The following OR3A2 variants were observed in gnomAD, a reference collection of about 807,000 sequenced individuals.
The protein encoded by OR3A2 is olfactory receptor 3A2.
For synonymous variants in OR3A2, 126 were observed against 159.3 expected, an observed-to-expected ratio of 0.79 and a Z score of 1.57; for missense variants, 318 against 392.8, an observed-to-expected ratio of 0.81 and a Z score of 1.61.
At chr17:3,342,312 G>A (rs1333178532) in intron 2 of OR3A2, among the ~76,000 whole-genome samples, 1 of 152,146 alleles carries the variant, frequency 6.6e-6, no homozygotes, top group East Asian at 1.9e-4. Flanking sequence ...TCTGTTGCTG[G>A]CGAGGAGCTG....
At chr17:3,308,291 G>T (rs1597330766) in intron 3 of OR3A2, among the ~76,000 whole-genome samples, 1 of 152,168 alleles carries the variant, frequency 6.6e-6, no homozygotes, top group South Asian at 2.1e-4. Flanking sequence ...GGAGTTGCTT[G>T]TCCCTTTGTC....
intron 2 of OR3A2, among the ~76,000 whole-genome samples, chr17:3,371,464 C>CG (rs1362922147): frequency 3.2e-4 from 45 of 142,814 alleles, no homozygotes; most frequent in Middle Eastern, 4.1e-3. Flanking sequence ...GCTGGCTGGG[C>CG]GGGGGGCTGA....
rs1188815133 is a variant in OR3A2, at chr17:3,311,800, G to A, written c.-85+24233C>T. On this transcript the variant is annotated intron_variant, in intron 3 of 4. Transcript: ENST00000573491. The surrounding 1 kb of genome is among the most constrained non-coding windows in gnomAD (Gnocchi z 4.6). ...GTGTCTGGGCTCAGTCTCAGCCTCAGACAAAGATAAGGGGATTGGGATCCT... is the reference window on the plus strand; with the variant it reads ...GTGTCTGGGCTCAGTCTCAGCCTCAAACAAAGATAAGGGGATTGGGATCCT... 2 of 201,672 alleles carry A rather than the reference G, an allele frequency of 9.9e-6. No homozygotes were observed. The highest frequency in any genetic ancestry group is 4.6e-5 in the African/African-American group (2 of 43,564). 12.5% of individuals were successfully genotyped at this position (201,672 alleles called of 1,614,324 possible). A position where few individuals can be genotyped will look rare whatever the true frequency, so the allele number is the denominator to read the frequency against.
At position 3,346,663 on chromosome 17, in the gene OR3A2, C is replaced by A. The variant is rs560490894; in HGVS notation, c.-178-10537G>T. Among the ~76,000 whole-genome samples, 118 of 151,736 alleles carry A rather than the reference C, an allele frequency of 7.8e-4. 1 individual carries two copies. The highest frequency in any genetic ancestry group is 1.5e-3 in the Non-Finnish European group (100 of 67,874). Reference sequence around the variant, plus strand: ...TTTCCATGGTTTTTTTTTTTGTACCCATTATCCATCCGCACCTCTCCATCT... The same window carrying A: ...TTTCCATGGTTTTTTTTTTTGTACCAATTATCCATCCGCACCTCTCCATCT... On this transcript the variant is annotated intron_variant, in intron 2 of 4. Transcript: ENST00000573491.
intron 3 of OR3A2, among the ~76,000 whole-genome samples, chr17:3,334,401 G>A (rs1286651584): frequency 1.3e-5 from 2 of 152,062 alleles, no homozygotes; most frequent in Non-Finnish European, 2.9e-5. Flanking sequence ...TGCAACATTT[G>A]TCTTTCTTTG....
At chr17:3,332,843 T>A (rs1052910287) in intron 3 of OR3A2, among the ~76,000 whole-genome samples, 4 of 152,204 alleles carry the variant, frequency 2.6e-5, no homozygotes, top group African/African-American at 9.7e-5. Flanking sequence ...ATCTCTTAAC[T>A]CTGTTATCTT....
At chr17:3,292,328 C>T in intron 3 of OR3A2, 2 of 1,614,106 alleles carry the variant, frequency 1.2e-6, no homozygotes, top group East Asian at 4.5e-5. Context: ...GGAGACGACT[C>T]AACATTGATG....
At chr17:3,304,261 C>G (rs1417212676) in intron 3 of OR3A2, among the ~76,000 whole-genome samples, 2 of 152,206 alleles carry the variant, frequency 1.3e-5, no homozygotes, top group East Asian at 3.9e-4. Flanking sequence ...CACACAGATT[C>G]CAATGCAGCC....
chr17:3,366,236 G>A (rs994905283), intron 2 of OR3A2, among the ~76,000 whole-genome samples: 3 of 152,178 alleles, frequency 2.0e-5, no homozygotes, highest in African/African-American at 7.2e-5. Flanking sequence ...AATGGACATA[G>A]AGTGGCCACT....
chr17:3,330,184 T>A (rs1247922934), intron 3 of OR3A2, among the ~76,000 whole-genome samples: 1 of 151,218 alleles, frequency 6.6e-6, no homozygotes, highest in Non-Finnish European at 1.5e-5. Flanking sequence ...AAAATGTATA[T>A]TCTGTTGATT....
chr17:3,306,351 G>T (rs905775581), intron 3 of OR3A2, among the ~76,000 whole-genome samples: 1 of 151,576 alleles, frequency 6.6e-6, no homozygotes, highest in South Asian at 2.1e-4. Flanking sequence ...TCATTATGTT[G>T]CCCCTGATCT....
intron 3 of OR3A2, among the ~76,000 whole-genome samples, chr17:3,334,528 T>C (rs559715852): frequency 6.6e-6 from 1 of 152,314 alleles, no homozygotes; most frequent in South Asian, 2.1e-4. Context: ...TTACAATACA[T>C]ATTCATGCCT....
At chr17:3,297,912 C>G (rs2150624764) in intron 3 of OR3A2, among the ~76,000 whole-genome samples, 1 of 151,166 alleles carries the variant, frequency 6.6e-6, no homozygotes, top group African/African-American at 2.4e-5. Flanking sequence ...GAGGAAAAGG[C>G]ACAGAAGTAC....
intron 3 of OR3A2, among the ~76,000 whole-genome samples, chr17:3,306,384 C>T (rs1026267329): frequency 6.6e-6 from 1 of 152,004 alleles, no homozygotes; most frequent in Non-Finnish European, 1.5e-5. Context: ...CTCAAGCAAT[C>T]CCCCCACTCC....
chr17:3,338,842 G>A (rs566225443), intron 2 of OR3A2, among the ~76,000 whole-genome samples: 7 of 152,174 alleles, frequency 4.6e-5, no homozygotes, highest in Non-Finnish European at 8.8e-5. Flanking sequence ...CATTGAATCT[G>A]TAGATTACCT....
chr17:3,312,655 C>T (rs1043112731), intron 3 of OR3A2, among the ~76,000 whole-genome samples: 2 of 152,254 alleles, frequency 1.3e-5, no homozygotes, highest in South Asian at 2.1e-4. Context: ...GATGGAGTTT[C>T]GCTCGGTCGC....
intron 3 of OR3A2, among the ~76,000 whole-genome samples, chr17:3,308,242 TGAG>T (rs895241313): frequency 2.6e-5 from 4 of 152,160 alleles, no homozygotes; most frequent in African/African-American, 9.7e-5. Flanking sequence ...AGGGGAACAA[TGAG>T]GAGGAGAAAA....
At chr17:3,371,343 C>A (rs2150664321) in intron 2 of OR3A2, among the ~76,000 whole-genome samples, 1 of 150,316 alleles carries the variant, frequency 6.7e-6, no homozygotes, top group Admixed American at 6.6e-5. Context: ...CCCCTCATCT[C>A]CCGGACGAGG....
In OR3A2 at chr17:3,278,260, C is replaced by T. The variant is rs1358410597; in HGVS notation, c.658G>A (p.Ala220Thr). 7.4e-6 allele frequency: 12 copies of T among 1,614,052 alleles called. No homozygotes were observed. In the African/African-American group the frequency reaches 8.0e-5, roughly 11 times the overall value. The change falls in exon 2 of 2, where the codon GCC (alanine) becomes ACC (threonine). Residue 220 changes from alanine (A) to threonine (T), a missense_variant. Physicochemically the swap from Ala to Thr is moderately conservative, Grantham distance 58. Coordinates refer to ENST00000642052, the Ensembl canonical transcript of OR3A2. ...ACTGCAGCTGCCACGTGGCTGTAGG[C>T]AGTGATGATGAGAACCAAAGGTGTG...
Sources: gnomAD v4.1 joint callset for allele counts (sites outside exome capture counted in the v4.1 genomes callset) on GRCh38, gnomAD v4.1.1 for gene constraint, Gnocchi (gnomAD v3.1) non-coding constraint, MANE v1.5 for transcripts, NCBI Gene and HGNC (gene_info 2026-07-23, HGNC 2026-07-21) for gene names.